Variants in PLA1A observed in about 807,000 individuals in gnomAD.
The protein encoded by PLA1A is phospholipase A1 member A.
In PLA1A, 47 loss-of-function variants were observed where a neutral mutation model predicts 49.4. The observed-to-expected ratio is 0.95, with a 90% CI of 0.75 to 1.21. PLA1A has a LOEUF of 1.21. Ranked by LOEUF, PLA1A falls within the 50% of genes most tolerant of loss-of-function variation. PLA1A has a pLI of 0.00. For synonymous variants in PLA1A, 224 were observed against 207.9 expected, an observed-to-expected ratio of 1.08 and a Z score of -0.67; for missense variants, 561 against 563.9, an observed-to-expected ratio of 0.99 and a Z score of 0.05.
chr3:119,614,462 G>A (rs1348937750), intron 5 of PLA1A, among the ~76,000 whole-genome samples: 7 of 151,852 alleles, frequency 4.6e-5, no homozygotes, highest in Non-Finnish European at 2.9e-5. Context: ...AAAATTTAGT[G>A]AGGCGTGGTG....
In PLA1A at chr3:119,628,824, T is replaced by C. The variant is rs772158895; in HGVS notation, c.1245T>C (p.Ile415=). The change falls in exon 10 of 11, where the codon ATT becomes ATC. Residue 415 remains isoleucine, a synonymous_variant. Transcript: ENST00000273371. ...TTTGGAAAAAAGACCGGACTACCAT[T>C]ATTGGGAAGTTCTGCACTGCCCTTT... ...NRVWKKDRTT[I]IGKFCTALLP... is the part of the protein sequence containing the mutation. 3.1e-6 allele frequency: 5 copies of C among 1,614,034 alleles called. No homozygotes were observed. The East Asian group carries it at 6.7e-5, about 22-fold the overall frequency.
At position 119,629,591 on chromosome 3, in the gene PLA1A, TTTC is replaced by T; in HGVS notation, c.*126_*128del. The T allele has an allele frequency of 1.6e-6, 1 of 633,512 alleles. No homozygotes were observed. 39.2% of individuals were successfully genotyped at this position (633,512 alleles called of 1,614,324 possible). A position where few individuals can be genotyped will look rare whatever the true frequency, so the allele number is the denominator to read the frequency against. On this transcript the variant is annotated 3_prime_UTR_variant, in exon 11 of 11. Coordinates refer to ENST00000273371, the MANE Select transcript of PLA1A (RefSeq NM_015900.4). ...ACTACTAAGGAGAAAAGCAAAGCTC[TTTC>T]TTATTTTCCTCATAATCAGCTACCC...
intron 5 of PLA1A, among the ~76,000 whole-genome samples, chr3:119,615,694 A>G (rs2082835915): frequency 6.6e-6 from 1 of 152,102 alleles, no homozygotes; most frequent in Non-Finnish European, 1.5e-5. Context: ...TCCGCCTGTA[A>G]TCCCAGCTAC....
intron 9 of PLA1A, among the ~76,000 whole-genome samples, chr3:119,626,943 C>T (rs925161091): frequency 6.6e-5 from 10 of 152,128 alleles, no homozygotes; most frequent in African/African-American, 2.4e-4. Context: ...ATCTTCTAGC[C>T]CATTGGTAGG....
chr3:119,610,489 T>A (rs1484878070), intron 4 of PLA1A, among the ~76,000 whole-genome samples: 4 of 152,160 alleles, frequency 2.6e-5, no homozygotes, highest in Non-Finnish European at 4.4e-5. Context: ...CAACATCTAT[T>A]TATTTATTTT....
At chr3:119,619,270 GA>G (rs2082895294) in intron 7 of PLA1A, among the ~76,000 whole-genome samples, 1 of 152,190 alleles carries the variant, frequency 6.6e-6, no homozygotes, top group African/African-American at 2.4e-5. Context: ...ACTACTATAG[GA>G]GATTGGTTTT....
chr3:119,609,344 A>G (rs2107783606), intron 3 of PLA1A, 124 bp from the exon 4 acceptor site: 3 of 771,816 alleles, frequency 3.9e-6, no homozygotes, highest in Middle Eastern at 3.4e-4. Context: ...TTTCCCTCCA[A>G]AGTAAGTGTG....
rs776442517 is a variant in PLA1A, at chr3:119,608,855, T to G, written c.361T>G (p.Trp121Gly). 1.9e-6 allele frequency: 3 copies of G among 1,613,634 alleles called. No homozygotes were observed. The highest frequency in any genetic ancestry group is 2.5e-6 in the Non-Finnish European group (3 of 1,179,490). The part of the protein sequence containing the change: ...ATNANVIAVD[W>G]IYGSTGVYFS... ...GAATGCTAATGTGATTGCCGTGGACTGGATTTATGGGTCTACAGGAGTCTA... is the reference window on the plus strand; with the variant it reads ...GAATGCTAATGTGATTGCCGTGGACGGGATTTATGGGTCTACAGGAGTCTA... Residue 121 changes from tryptophan to glycine, a missense_variant, in exon 3 of 11, where the codon TGG becomes GGG. Transcript: ENST00000273371.
At chr3:119,605,430 C>A (rs1022661215) in intron 1 of PLA1A, among the ~76,000 whole-genome samples, 1 of 152,050 alleles carries the variant, frequency 6.6e-6, no homozygotes, top group Non-Finnish European at 1.5e-5. Context: ...CCCAGAGCAT[C>A]CCAGATCCAC....
At position 119,629,762 on chromosome 3, in the gene PLA1A, T is replaced by G. The variant is rs2052601128; in HGVS notation, c.*294T>G. On this transcript the variant is annotated 3_prime_UTR_variant, in exon 11 of 11. Transcript: ENST00000273371. ...TCGTACTTAGGATTCAATAGAAACA[T>G]GTACAGGGTAAACAATTTTTTAAAA... 1 of 359,518 alleles carries G rather than the reference T, an allele frequency of 2.8e-6. No individual in the cohort carries two copies. Among genetic ancestry groups the G allele is most frequent in the South Asian group, 9.2e-5 (1 of 10,822 alleles). 22.3% of individuals were successfully genotyped at this position (359,518 alleles called of 1,614,324 possible). A position where few individuals can be genotyped will look rare whatever the true frequency, so the allele number is the denominator to read the frequency against.
intron 1 of PLA1A, among the ~76,000 whole-genome samples, chr3:119,604,405 A>G (rs1470126467): frequency 6.6e-6 from 1 of 152,250 alleles, no homozygotes; most frequent in Non-Finnish European, 1.5e-5. Flanking sequence ...TGTGGTATAC[A>G]TACACAAAGG....
intron 8 of PLA1A, among the ~76,000 whole-genome samples, chr3:119,620,373 C>T (rs1472851288): frequency 1.3e-5 from 2 of 152,096 alleles, no homozygotes; most frequent in Non-Finnish European, 2.9e-5. Flanking sequence ...TTCTGATCAG[C>T]TTGTGTCAAG....
At chr3:119,608,202 A>G (rs2082713995) in intron 2 of PLA1A, among the ~76,000 whole-genome samples, 1 of 116,550 alleles carries the variant, frequency 8.6e-6, no homozygotes, top group African/African-American at 3.8e-5. Context: ...GAAAGGAAAG[A>G]AAAGAAAGAA....
chr3:119,604,799 T>A (rs1221472017), intron 1 of PLA1A, among the ~76,000 whole-genome samples: 1 of 152,228 alleles, frequency 6.6e-6, no homozygotes, highest in Non-Finnish European at 1.5e-5. Context: ...TTTCTCTTTG[T>A]AATGGGCTGG....
Position 119,628,858 on chromosome 3 carries a change from A to G in PLA1A, c.1279A>G (p.Asn427Asp). The change falls in exon 10 of 11, where the codon AAT becomes GAT. Residue 427 changes from asparagine (N) to aspartate (D), a missense_variant. Asn to Asp is a conservative substitution (Grantham distance 23). Transcript: ENST00000273371. ...GKFCTALLPVNDREKMVCLPE... is the reference protein window; with the variant it reads ...GKFCTALLPVDDREKMVCLPE... ...GTTCTGCACTGCCCTTTTGCCTGTC[A>G]ATGACAGGTAAGCCCCAGTATTCAC... 1 of 1,613,712 alleles carries G rather than the reference A, an allele frequency of 6.2e-7. No individual in the cohort carries two copies. Among genetic ancestry groups the G allele is most frequent in the Non-Finnish European group, 8.5e-7 (1 of 1,179,600 alleles).
At chr3:119,612,217 T>C (rs2082773822) in intron 4 of PLA1A, among the ~76,000 whole-genome samples, 1 of 152,204 alleles carries the variant, frequency 6.6e-6, no homozygotes, top group African/African-American at 2.4e-5. Context: ...CTCACCATGC[T>C]TTCTGAGACT....
At position 119,619,641 on chromosome 3, in the gene PLA1A, C is replaced by T. The variant is rs771626561; in HGVS notation, c.1001C>T (p.Ala334Val). Residue 334 changes from alanine to valine, a missense_variant, in exon 8 of 11, where the codon GCT becomes GTT. By Grantham distance (64) the Ala-to-Val change is moderately conservative. Transcript: ENST00000273371. The part of the protein sequence containing the change: ...VKVYLLTTSS[A>V]PYCMHHSLVE... ...GTCTACCTCCTGACTACTTCCAGTG[C>T]TCCGTACTGCAGTGAGTAGGGGGAA... is the stretch of plus-strand genomic sequence containing the variant. The T allele has an allele frequency of 7.5e-6, 12 of 1,608,688 alleles. No homozygotes were observed. The South Asian group carries it at 8.8e-5, about 12-fold the overall frequency.
At chr3:119,607,339 A>T (rs1055648736) in intron 2 of PLA1A, among the ~76,000 whole-genome samples, 3 of 152,182 alleles carry the variant, frequency 2.0e-5, no homozygotes, top group African/African-American at 7.2e-5. Flanking sequence ...TACTTCCGTC[A>T]TACCCAGAGG....
At chr3:119,620,464 C>A (rs560916294) in intron 8 of PLA1A, among the ~76,000 whole-genome samples, 8 of 152,320 alleles carry the variant, frequency 5.3e-5, no homozygotes, top group African/African-American at 1.7e-4. Context: ...AGAGCTCAGA[C>A]TCTGTGTTCA....
Sources: allele counts gnomAD v4.1 joint callset (sites outside exome capture counted in the v4.1 genomes callset), GRCh38; gene constraint gnomAD v4.1.1; transcripts MANE v1.5; gene names NCBI Gene and HGNC (gene_info 2026-07-23, HGNC 2026-07-21).